The following CCDC7 variants were observed in gnomAD, a reference collection of about 807,000 sequenced individuals.
CCDC7 encodes the protein coiled-coil domain-containing protein 7.
CCDC7 carries 183 observed loss-of-function variants against 196.9 expected under a neutral mutation model. The ratio of observed to expected loss-of-function variants is 0.93; its 90% CI spans 0.82 to 1.05. CCDC7 has a LOEUF of 1.05. Ranked by LOEUF, CCDC7 falls within the 50% of genes least tolerant of loss-of-function variation. The pLI, the probability that CCDC7 is intolerant of heterozygous loss-of-function variation, is 0.00. For synonymous variants in CCDC7, 525 were observed against 484.6 expected, an observed-to-expected ratio of 1.08 and a Z score of -1.10; for missense variants, 1,540 against 1,482.2, an observed-to-expected ratio of 1.04 and a Z score of -0.64.
At chr10:32,563,401 A>G (rs1483780036) in intron 13 of CCDC7, among the ~76,000 whole-genome samples, 1 of 152,238 alleles carries the variant, frequency 6.6e-6, no homozygotes, top group East Asian at 1.9e-4. Flanking sequence ...TTCCAACTAT[A>G]CTACAAGGCT....
chr10:32,539,459 T>G (rs1310460805), intron 11 of CCDC7, among the ~76,000 whole-genome samples: 1 of 152,058 alleles, frequency 6.6e-6, no homozygotes, highest in Non-Finnish European at 1.5e-5. Context: ...TTATTATTTT[T>G]TTTTATAAAA....
intron 18 of CCDC7, among the ~76,000 whole-genome samples, chr10:32,618,297 T>A (rs2062998205): frequency 6.6e-6 from 1 of 152,128 alleles, no homozygotes; most frequent in Non-Finnish European, 1.5e-5. Flanking sequence ...TAAATTTTTT[T>A]ATTTTCTTCT....
intron 28 of CCDC7, among the ~76,000 whole-genome samples, chr10:32,769,415 T>A (rs2078821478): frequency 6.6e-6 from 1 of 152,134 alleles, no homozygotes. Flanking sequence ...TAGTGATTTA[T>A]CAATTTTTAA....
chr10:32,604,479 A>G (rs949859521), intron 18 of CCDC7, among the ~76,000 whole-genome samples: 4 of 152,018 alleles, frequency 2.6e-5, no homozygotes, highest in Non-Finnish European at 5.9e-5. Flanking sequence ...TGGCATTTTG[A>G]TAGTGATTGC....
At chr10:32,861,523 A>G (rs2136494272) in intron 41 of CCDC7, among the ~76,000 whole-genome samples, 1 of 152,350 alleles carries the variant, frequency 6.6e-6, no homozygotes, top group African/African-American at 2.4e-5. Context: ...TAAAGACTTC[A>G]TGACTAAAAC....
chr10:32,522,079 T>A (rs968407373), intron 11 of CCDC7, among the ~76,000 whole-genome samples: 2 of 152,188 alleles, frequency 1.3e-5, no homozygotes, highest in African/African-American at 4.8e-5. Flanking sequence ...TGTGTTTTGT[T>A]AGAGTTTTGT....
intron 20 of CCDC7, among the ~76,000 whole-genome samples, chr10:32,657,303 C>T (rs1468504009): frequency 6.6e-6 from 1 of 152,250 alleles, no homozygotes; most frequent in Non-Finnish European, 1.5e-5. Flanking sequence ...CTCCACATTT[C>T]CCTTCTACAC....
chr10:32,646,809 C>G (rs181138765), intron 20 of CCDC7, among the ~76,000 whole-genome samples: 15 of 152,268 alleles, frequency 9.9e-5, no homozygotes, highest in Admixed American at 5.2e-4. Flanking sequence ...ACTTAGCTCC[C>G]ACTTATAAAT....
chr10:32,685,203 T>G (rs2076330864), intron 21 of CCDC7, among the ~76,000 whole-genome samples: 1 of 43,194 alleles, frequency 2.3e-5, no homozygotes, highest in African/African-American at 8.0e-5. Context: ...AGTTTTCTCT[T>G]TTTTGGATTT....
chr10:32,595,988 G>GC (rs1251751757), intron 18 of CCDC7, among the ~76,000 whole-genome samples: 1 of 152,194 alleles, frequency 6.6e-6, no homozygotes, highest in African/African-American at 2.4e-5. Flanking sequence ...TGGAATACGT[G>GC]TGATGTGGTG....
chr10:32,702,579 G>T (rs11527647), intron 24 of CCDC7, among the ~76,000 whole-genome samples: 13,419 of 152,076 alleles, frequency 0.088, 860 homozygotes, highest in East Asian at 0.33. Flanking sequence ...TATCCTTGTT[G>T]ACTCTCTGTC....
At chr10:32,662,154 C>G (rs1206862503) in intron 20 of CCDC7, among the ~76,000 whole-genome samples, 2 of 152,168 alleles carry the variant, frequency 1.3e-5, no homozygotes, top group Non-Finnish European at 2.9e-5. Context: ...AATGCAAAGT[C>G]TCACAATCAC....
intron 11 of CCDC7, among the ~76,000 whole-genome samples, chr10:32,540,712 G>GT (rs2051268674): frequency 6.6e-6 from 1 of 152,288 alleles, no homozygotes; most frequent in South Asian, 2.1e-4. Flanking sequence ...CTTCTGGCTT[G>GT]TAGGGTTTCT....
intron 20 of CCDC7, among the ~76,000 whole-genome samples, chr10:32,656,032 T>G (rs1466063683): frequency 6.6e-6 from 1 of 151,776 alleles, no homozygotes; most frequent in Non-Finnish European, 1.5e-5. Context: ...TAGTTTTGTT[T>G]TCTGTGCAGG....
chr10:32,624,620 T>A (rs1347104828), intron 18 of CCDC7, among the ~76,000 whole-genome samples: 3 of 152,100 alleles, frequency 2.0e-5, no homozygotes, highest in Admixed American at 2.0e-4. Flanking sequence ...ATCCATAGAG[T>A]CATCTGGTTA....
chr10:32,476,759 G>C (rs73251528), intron 8 of CCDC7, among the ~76,000 whole-genome samples: 6,971 of 152,264 alleles, frequency 0.046, 540 homozygotes, highest in African/African-American at 0.16. Context: ...CATTCTAATA[G>C]TTGTGTAGTG....
At chr10:32,677,042 A>T (rs2075104659) in intron 21 of CCDC7, among the ~76,000 whole-genome samples, 1 of 151,640 alleles carries the variant, frequency 6.6e-6, no homozygotes, top group South Asian at 2.1e-4. Flanking sequence ...GCCATAAAAA[A>T]TGATGAGTTC....
intron 28 of CCDC7, among the ~76,000 whole-genome samples, chr10:32,735,117 G>A (rs1282193916): frequency 6.6e-6 from 1 of 152,174 alleles, no homozygotes; most frequent in Non-Finnish European, 1.5e-5. Flanking sequence ...ACCACAAAAA[G>A]AGTCCAACGA....
intron 21 of CCDC7, among the ~76,000 whole-genome samples, chr10:32,680,470 G>A (rs1278511043): frequency 1.3e-5 from 2 of 151,354 alleles, no homozygotes. Flanking sequence ...TAGAGTACAT[G>A]TGCACAACAT....
Sources: gnomAD v4.1 joint callset for allele counts (sites outside exome capture counted in the v4.1 genomes callset) on GRCh38, gnomAD v4.1.1 for gene constraint, MANE v1.5 for transcripts, NCBI Gene and HGNC (gene_info 2026-07-23, HGNC 2026-07-21) for gene names.